The following ALPK2 variants were observed in gnomAD, a reference collection of about 807,000 sequenced individuals.
ALPK2 encodes the protein alpha-protein kinase 2.
In ALPK2, 127 loss-of-function variants were observed where a neutral mutation model predicts 163.1. The ratio of observed to expected loss-of-function variants is 0.78; its 90% CI spans 0.67 to 0.90. ALPK2 has a LOEUF of 0.90. Ranked by LOEUF, ALPK2 falls within the 40% of genes least tolerant of loss-of-function variation. ALPK2 has a pLI of 0.00. For missense variants in ALPK2, 2,360 were observed against 2,589.6 expected, an observed-to-expected ratio of 0.91 and a Z score of 1.92; for synonymous variants, 953 against 959.1, an observed-to-expected ratio of 0.99 and a Z score of 0.12.
chr18:58,535,046 T>C lies in ALPK2; in HGVS notation c.5141A>G (p.Lys1714Arg). 1 of 1,614,174 alleles carries C rather than the reference T, an allele frequency of 6.2e-7. No individual in the cohort carries two copies. Among genetic ancestry groups the C allele is most frequent in the South Asian group, 1.1e-5 (1 of 91,070 alleles). ...AVTGSEEVKR[K>R]PEAPGSGHLA... ...ATGTCCACTGCCTGGGGCTTCTGGC[T>C]TCCTCTTGACCTCCTCTGACCCCGT... Residue 1714 changes from lysine to arginine, a missense_variant, in exon 5 of 13, where the codon AAG (lysine) becomes AGG (arginine). Coordinates refer to ENST00000361673, the MANE Select transcript of ALPK2 (RefSeq NM_052947.4).
intron 3 of ALPK2, among the ~76,000 whole-genome samples, chr18:58,582,649 G>C (rs915170119): frequency 6.6e-6 from 1 of 152,076 alleles, no homozygotes; most frequent in Admixed American, 6.6e-5. Context: ...CATCCTCAAG[G>C]GGTCCTGAGA....
intron 1 of ALPK2, among the ~76,000 whole-genome samples, chr18:58,613,377 T>C (rs958028636): frequency 1.3e-5 from 2 of 152,182 alleles, no homozygotes; most frequent in African/African-American, 4.8e-5. Context: ...GATTTTAAGA[T>C]GGTGACAGCA....
At position 58,536,951 on chromosome 18, in the gene ALPK2, A is replaced by C. The variant is rs140909549; in HGVS notation, c.3236T>G (p.Val1079Gly). The C allele has an allele frequency of 6.2e-7, 1 of 1,614,094 alleles. No individual in the cohort carries two copies. The highest frequency in any genetic ancestry group is 1.3e-5 in the African/African-American group (1 of 74,940). Residue 1079 changes from valine (V) to glycine (G), a missense_variant, in exon 5 of 13, where the codon GTG becomes GGG. Val to Gly is a moderately radical substitution (Grantham distance 109). Transcript: ENST00000361673. ...CAGGACATGGTGTGGGACTCCTGGC[A>C]CACTGGGTGCCCTGCAAAGTAGCTC... ...TKELLCRAPS[V>G]PGVPHHVLQL... is the part of the protein sequence containing the mutation.
chr18:58,572,817 C>A (rs1200272434), intron 4 of ALPK2, among the ~76,000 whole-genome samples: 3 of 152,090 alleles, frequency 2.0e-5, no homozygotes, highest in South Asian at 2.1e-4. Context: ...GATACAGGAA[C>A]CTACGTAGGT....
rs1462072076 is a variant in ALPK2, at chr18:58,503,538, AT to A, written c.6247+392del. 1.5e-4 allele frequency among the ~76,000 whole-genome samples: 22 copies of A among 151,646 alleles called. 1 individual carries two copies. The highest frequency in any genetic ancestry group is 8.4e-4 in the South Asian group (4 of 4,776). On this transcript the variant is annotated intron_variant, in intron 11 of 12. Coordinates refer to ENST00000361673, the MANE Select transcript of ALPK2 (RefSeq NM_052947.4). ...AGGACGCTGTCTCTACAAAAAAAAAATTTTTTTTTAATTAGCCAGGTGTGGT... is the reference window on the plus strand; with the variant it reads ...AGGACGCTGTCTCTACAAAAAAAAAATTTTTTTTAATTAGCCAGGTGTGGT...
At chr18:58,543,146 C>T (rs889314867) in intron 4 of ALPK2, among the ~76,000 whole-genome samples, 1 of 152,174 alleles carries the variant, frequency 6.6e-6, no homozygotes, top group Non-Finnish European at 1.5e-5. Flanking sequence ...GCGTGCTTAG[C>T]CCCCTCGCCA....
At position 58,481,670 on chromosome 18, in the gene ALPK2, G is replaced by A; in HGVS notation, c.*153C>T. On this transcript the variant is annotated 3_prime_UTR_variant, in exon 13 of 13. Coordinates refer to ENST00000361673, the MANE Select transcript of ALPK2 (RefSeq NM_052947.4). ...AATCATTTGAGTGAAGACAGCAGGT[G>A]ATGGGTTTAGAAGCATCTTGGCGCA... 9.4e-6 allele frequency: 6 copies of A among 640,374 alleles called. No homozygotes were observed. In the South Asian group the frequency reaches 1.2e-4, roughly 13 times the overall value. 39.7% of individuals were successfully genotyped at this position (640,374 alleles called of 1,614,324 possible).
rs569341634 is a variant in ALPK2 at position 58,564,852 on chromosome 18, A to T, written c.1962+13962T>A. ...TTCCTTTTTTAAAAAAAATTTTTTTAAAAGTTTTCAATATTATCAGTAAAA... is the reference window on the plus strand; with the variant it reads ...TTCCTTTTTTAAAAAAAATTTTTTTTAAAGTTTTCAATATTATCAGTAAAA... On this transcript the variant is annotated intron_variant, in intron 4 of 12. Transcript: ENST00000361673. 2.1e-3 allele frequency among the ~76,000 whole-genome samples: 326 copies of T among 152,272 alleles called. 3 individuals carry two copies. Among genetic ancestry groups the T allele is most frequent in the Non-Finnish European group, 1.3e-3 (87 of 68,034 alleles).
At chr18:58,486,624 G>T (rs1277390168) in intron 12 of ALPK2, among the ~76,000 whole-genome samples, 2 of 152,128 alleles carry the variant, frequency 1.3e-5, no homozygotes, top group Non-Finnish European at 2.9e-5. Flanking sequence ...CCTCAACTTG[G>T]CCTGTCAGAC....
In ALPK2 at chr18:58,628,756, ATACT is replaced by A. The variant is rs1480374867; in HGVS notation, c.-21+4_-21+7del. ...TCCTTATGTAAAAACCAAAGTCTAC[ATACT>A]TACTTTTCAGTACTCTTTGTCCAAG... On this transcript the variant is annotated splice_donor_5th_base_variant and intron_variant, in intron 1 of 12. Coordinates refer to ENST00000361673, the MANE Select transcript of ALPK2 (RefSeq NM_052947.4). 1 of 152,224 alleles carries A rather than the reference ATACT, an allele frequency of 6.6e-6. No individual in the cohort carries two copies. Among genetic ancestry groups the A allele is most frequent in the African/African-American group, 2.4e-5 (1 of 41,460 alleles). 9.4% of individuals were successfully genotyped at this position (152,224 alleles called of 1,614,324 possible). A position where few individuals can be genotyped will look rare whatever the true frequency, so the allele number is the denominator to read the frequency against.
At chr18:58,607,962 C>T (rs989787436) in intron 2 of ALPK2, among the ~76,000 whole-genome samples, 1 of 152,144 alleles carries the variant, frequency 6.6e-6, no homozygotes, top group East Asian at 1.9e-4. Context: ...CTCTGTAGGA[C>T]ATTAACCAGT....
intron 9 of ALPK2, among the ~76,000 whole-genome samples, chr18:58,516,332 T>G (rs944452745): frequency 6.6e-6 from 1 of 151,886 alleles, no homozygotes; most frequent in Non-Finnish European, 1.5e-5. Context: ...TCACCTCGAG[T>G]TCTATGACTC....
At chr18:58,626,119 C>T (rs929527196) in intron 1 of ALPK2, among the ~76,000 whole-genome samples, 10 of 152,146 alleles carry the variant, frequency 6.6e-5, no homozygotes, top group Admixed American at 2.0e-4. Context: ...CTGTCTGTAA[C>T]CGAAGCGAAG....
intron 3 of ALPK2, among the ~76,000 whole-genome samples, chr18:58,600,339 A>C (rs2052063092): frequency 6.6e-6 from 1 of 151,980 alleles, no homozygotes; most frequent in African/African-American, 2.4e-5. Flanking sequence ...ATCCGGCCCC[A>C]GTGGGGGTGT....
intron 1 of ALPK2, among the ~76,000 whole-genome samples, chr18:58,627,838 A>G (rs1602246584): frequency 6.6e-6 from 1 of 151,880 alleles, no homozygotes. Flanking sequence ...ACAGCAAAAA[A>G]CCCCTTCAAT....
At position 58,580,070 on chromosome 18, in the gene ALPK2, G is replaced by A. The variant is rs1300637505; in HGVS notation, c.706C>T (p.His236Tyr). 1 of 1,614,128 alleles carries A rather than the reference G, an allele frequency of 6.2e-7. No individual in the cohort carries two copies. The highest frequency in any genetic ancestry group is 2.2e-5 in the East Asian group (1 of 44,904). ...KQDRCCHKTV[H>Y]SMASKFTDGD... ...TCCGTGAACTTTGATGCCATGGAAT[G>A]CACTGTCTTGTGGCAACATCTGTCT... Residue 236 changes from histidine to tyrosine, a missense_variant, in exon 4 of 13, where the codon CAT becomes TAT. Transcript: ENST00000361673.
At chr18:58,502,133 TCCACACAC>T (rs763416357) in intron 11 of ALPK2, among the ~76,000 whole-genome samples, 32 of 83,590 alleles carry the variant, frequency 3.8e-4, no homozygotes, top group Middle Eastern at 8.5e-3. Context: ...AAACCCCATC[TCCACACAC>T]ACACACACAC....
chr18:58,608,960 AAAAAAAAAAAGAAAAG>A (rs1349699374), intron 2 of ALPK2, among the ~76,000 whole-genome samples: 1 of 150,654 alleles, frequency 6.6e-6, no homozygotes, highest in Admixed American at 6.6e-5. Context: ...CTTGTCTCAA[AAAAAAAAAAAGAAAAG>A]AAAAGAAAAG....
intron 4 of ALPK2, among the ~76,000 whole-genome samples, chr18:58,542,077 G>GA (rs1250671634): frequency 3.3e-5 from 5 of 152,202 alleles, no homozygotes; most frequent in Admixed American, 6.5e-5. Context: ...TCATTCAAGT[G>GA]AAAAAAGGAG....
Sources: gnomAD v4.1 joint callset for allele counts (sites outside exome capture counted in the v4.1 genomes callset) on GRCh38, gnomAD v4.1.1 for gene constraint, MANE v1.5 for transcripts, NCBI Gene and HGNC (gene_info 2026-07-23, HGNC 2026-07-21) for gene names.